NBPF4: variants seen among roughly 807,000 people sequenced by gnomAD.
The protein encoded by NBPF4 is NBPF family member NBPF4.
Under a neutral mutation model 21.1 loss-of-function variants are expected in NBPF4, and 11 were observed. The ratio of observed to expected loss-of-function variants is 0.52; its 90% confidence interval spans 0.33 to 0.86. The LOEUF (loss-of-function observed/expected upper bound fraction) is 0.86. Ranked by LOEUF, NBPF4 falls within the 40% of genes least tolerant of loss-of-function variation. The pLI is 0.03. For missense variants in NBPF4, 88 were observed against 265.3 expected, an observed-to-expected ratio of 0.33 and a Z score of 4.64; for synonymous variants, 47 against 106.4, an observed-to-expected ratio of 0.44 and a Z score of 3.43.
rs908019488 is a variant in NBPF4, at chr1:108,224,430, G to C, written c.1876-684C>G. On this transcript the variant is annotated intron_variant, in intron 14 of 14. Coordinates refer to ENST00000415641, the MANE Select transcript of NBPF4 (RefSeq NM_001143989.3). ...TCTCAACAGTCATGAGTGGTGGTTG[G>C]GTCACCTTGGCTAGGACAGGAATAA... Among the ~76,000 whole-genome samples the C allele has an allele frequency of 9.9e-4, 129 of 130,478 alleles. 4 individuals are homozygous for C. Among genetic ancestry groups the C allele is most frequent in the South Asian group, 3.4e-3 (13 of 3,780 alleles). 85.6% of individuals were successfully genotyped at this position (130,478 alleles called of 152,430 possible). A position where few individuals can be genotyped will look rare whatever the true frequency, so the allele number is the denominator to read the frequency against.
In NBPF4 at chr1:108,229,122, C is replaced by G; in HGVS notation, c.1458G>C (p.Trp486Cys). 1 of 1,550,990 alleles carries G rather than the reference C, an allele frequency of 6.4e-7. No individual in the cohort carries two copies. Among genetic ancestry groups the G allele is most frequent in the Non-Finnish European group, 8.7e-7 (1 of 1,146,496 alleles). The change falls in exon 13 of 15, where the codon TGG (tryptophan) becomes TGC (cysteine). Residue 486 changes from tryptophan (W) to cysteine (C), a missense_variant. Trp to Cys is a radical substitution (Grantham distance 215). This residue lies in a region of NBPF4 where 60 missense variants were observed against 86.5 expected (regional missense o/e 0.69). Coordinates refer to ENST00000415641, the MANE Select transcript of NBPF4 (RefSeq NM_001143989.3). ...ACTGGTGGTGGCTCAAGTCTCCACT[C>G]CAAGTCCCTTGGGGACAGGCCGCCT... Reference protein sequence around the residue: ...PTEAACPQGTWSGDLSHHQSE... With the variant: ...PTEAACPQGTCSGDLSHHQSE...
chr1:108,257,771 T>TC, the NBPF4 span, among the ~76,000 whole-genome samples: 2 of 111,908 alleles, frequency 1.8e-5, no homozygotes, highest in Non-Finnish European at 3.6e-5. Context: ...TCTTTTTTTT[T>TC]TTTTTTTTTT....
At chr1:108,247,515 AC>A (rs1265127913), upstream of NBPF4, among the ~76,000 whole-genome samples, 1 of 152,260 alleles carries the variant, frequency 6.6e-6, no homozygotes, top group African/African-American at 2.4e-5. Flanking sequence ...TTTGCTGATG[AC>A]AAAACCAAGG....
rs1357577452 is a variant in NBPF4, at chr1:108,223,129, G to A, written c.*576C>T. On this transcript the variant is annotated 3_prime_UTR_variant, in exon 15 of 15. Coordinates refer to ENST00000415641, the MANE Select transcript of NBPF4 (RefSeq NM_001143989.3). ...CCATCAATGACAACAACAAAAAGAT[G>A]AGGAGATGTTTTGGGTTCAAAATGA... 1.3e-5 allele frequency among the ~76,000 whole-genome samples: 2 copies of A among 152,168 alleles called. No individual in the cohort carries two copies. Among genetic ancestry groups the A allele is most frequent in the African/African-American group, 2.4e-5 (1 of 41,446 alleles).
the NBPF4 span, among the ~76,000 whole-genome samples, chr1:108,257,347 TAC>T: frequency 1.3e-5 from 2 of 148,746 alleles, no homozygotes; most frequent in African/African-American, 5.0e-5. Flanking sequence ...TTCTTTGTGT[TAC>T]ACACACTCCA....
the NBPF4 span, among the ~76,000 whole-genome samples, chr1:108,254,097 G>A: frequency 7.4e-4 from 86 of 116,662 alleles, no homozygotes; most frequent in South Asian, 3.6e-3. Flanking sequence ...TTTTTTTGGC[G>A]GAGTTTTGCT....
the NBPF4 span, among the ~76,000 whole-genome samples, chr1:108,264,226 A>C: frequency 9.5e-4 from 143 of 151,126 alleles, 4 homozygotes; most frequent in African/African-American, 3.0e-3. Context: ...GAAAAAAAAA[A>C]CAGGGGTTGC....
the NBPF4 span, among the ~76,000 whole-genome samples, chr1:108,264,887 A>G: frequency 8.3e-6 from 1 of 120,708 alleles, no homozygotes; most frequent in Non-Finnish European, 1.8e-5. Context: ...GGTGCAGCAA[A>G]AGCAGTGTTA....
intron 13 of NBPF4, among the ~76,000 whole-genome samples, chr1:108,228,577 T>C (rs1649547541): frequency 6.6e-6 from 1 of 151,964 alleles, no homozygotes; most frequent in Admixed American, 6.6e-5. Context: ...TAACACCTAC[T>C]CATAGGTTTA....
chr1:108,254,017 T>G, the NBPF4 span, among the ~76,000 whole-genome samples: 2 of 92,928 alleles, frequency 2.2e-5, no homozygotes, highest in East Asian at 6.0e-4. Flanking sequence ...AGGCTGCCTT[T>G]TCATGTTGTT....
At chr1:108,252,599 C>T in the NBPF4 span, among the ~76,000 whole-genome samples, 2 of 115,134 alleles carry the variant, frequency 1.7e-5, no homozygotes, top group East Asian at 4.8e-4. Context: ...TTTAGAACTC[C>T]TTATGGTCTG....
At chr1:108,244,933 T>TAG (rs1649788156), upstream of NBPF4, among the ~76,000 whole-genome samples, 1 of 36,626 alleles carries the variant, frequency 2.7e-5, no homozygotes, top group African/African-American at 9.5e-5. Context: ...TATATATATA[T>TAG]ATATATATAT....
Position 108,228,916 on chromosome 1 carries a change from C to G in NBPF4, c.1660+4G>C. ...GAGCTTCATGACGCCGTTTCCTTCC[C>G]TACCTTGGAAGGGCCATTGGTTCCC... On this transcript the variant is annotated splice_donor_region_variant and intron_variant, in intron 13 of 14. Transcript: ENST00000415641. 7.1e-7 allele frequency: 1 copy of G among 1,414,108 alleles called. No individual in the cohort carries two copies. The highest frequency in any genetic ancestry group is 9.7e-7 in the Non-Finnish European group (1 of 1,025,656). The allele number at this position is 1,414,108 out of a possible 1,614,324, so 87.6% of individuals were successfully genotyped here.
chr1:108,259,700 T>A, the NBPF4 span, among the ~76,000 whole-genome samples: 1 of 149,246 alleles, frequency 6.7e-6, no homozygotes, highest in African/African-American at 2.5e-5. Context: ...CAGTGAGACC[T>A]CATCTTCTTT....
At chr1:108,226,275 T>G (rs931765198) in intron 14 of NBPF4, among the ~76,000 whole-genome samples, 2 of 151,522 alleles carry the variant, frequency 1.3e-5, no homozygotes, top group South Asian at 4.1e-4. Flanking sequence ...AATGATGTAT[T>G]AAAGCAATGA....
rs1412931620 is a variant in NBPF4 at position 108,241,038 on chromosome 1, G to A, written c.405C>T (p.Asp135=). ...KHLKTLLTPD[D]PDKSQGQDLR... ...GGTCCTGACCCTGGGACTTGTCAGG[G>A]TCATCAGGAGTGAGGAGGGTTTTCA... Residue 135 remains aspartate (D), a synonymous_variant, in exon 4 of 15, where the codon GAC becomes GAT. Transcript: ENST00000415641. 3.2e-6 allele frequency: 1 copy of A among 316,968 alleles called. No individual in the cohort carries two copies. 19.6% of individuals were successfully genotyped at this position (316,968 alleles called of 1,614,324 possible).
the NBPF4 span, among the ~76,000 whole-genome samples, chr1:108,259,989 T>C: frequency 7.6e-6 from 1 of 131,360 alleles, no homozygotes; most frequent in Non-Finnish European, 1.6e-5. Flanking sequence ...AAAGTCATTG[T>C]AGGCCCAAGC....
chr1:108,224,157 A>AT lies in NBPF4; in HGVS notation c.1876-412dup, dbSNP rs547429000. Among the ~76,000 whole-genome samples, 724 of 98,518 alleles carry AT rather than the reference A, an allele frequency of 7.3e-3. 7 individuals carry two copies. The highest frequency in any genetic ancestry group is 0.03 in the South Asian group (69 of 2,266). The allele number at this position is 98,518 out of a possible 152,430, so 64.6% of individuals were successfully genotyped here. ...GAGAAACCCACCCCCTTACAACTCCATGTCCTAGTCTTCTAGGGAGGAGCG... is the reference window on the plus strand; with the variant it reads ...GAGAAACCCACCCCCTTACAACTCCATTGTCCTAGTCTTCTAGGGAGGAGCG... On this transcript the variant is annotated intron_variant, in intron 14 of 14. Coordinates refer to ENST00000415641, the MANE Select transcript of NBPF4 (RefSeq NM_001143989.3).
At position 108,234,795 on chromosome 1, in the gene NBPF4, G is replaced by T. The variant is rs543586421; in HGVS notation, c.1029-384C>A. 4.8e-5 allele frequency among the ~76,000 whole-genome samples: 4 copies of T among 83,882 alleles called. No homozygotes were observed. The East Asian group carries it at 1.4e-3, about 30-fold the overall frequency. 55.0% of individuals were successfully genotyped at this position (83,882 alleles called of 152,430 possible). On this transcript the variant is annotated intron_variant, in intron 9 of 14. Transcript: ENST00000415641. ...TAGTGGCCAAGTAAACATAGGTTTT[G>T]AGGCATAATCGTATCCCCGAAATCG...
Sources: allele counts gnomAD v4.1 joint callset (sites outside exome capture counted in the v4.1 genomes callset), GRCh38; gene constraint gnomAD v4.1.1; regional missense constraint gnomAD v4.1.1; transcripts MANE v1.5; gene names NCBI Gene and HGNC (gene_info 2026-07-23, HGNC 2026-07-21).